The following SNX14 variants were observed in gnomAD, a reference collection of about 807,000 sequenced individuals.
SNX14 encodes the protein sorting nexin-14.
A neutral mutation model predicts 133.8 loss-of-function variants in SNX14; 93 were observed. That is an observed-to-expected ratio of 0.70 (90% CI 0.59 to 0.83). The LOEUF (loss-of-function observed/expected upper bound fraction) is 0.83. Among genes scored for constraint, SNX14 ranks in the 40% least tolerant of loss-of-function variants. The probability of loss-of-function intolerance (pLI) is 0.00; values close to 1 mark genes in which losing one functional copy is unlikely to be tolerated. For synonymous variants in SNX14, 368 were observed against 365.6 expected (o/e 1.01, Z -0.07); for missense variants, 945 against 1,094.9 (o/e 0.86, Z 1.93).
At position 85,505,751 on chromosome 6, in the gene SNX14, A is replaced by G; in HGVS notation, c.*216T>C. The G allele has an allele frequency of 1.9e-6, 1 of 520,396 alleles. No individual in the cohort carries two copies. Among genetic ancestry groups the G allele is most frequent in the East Asian group, 3.5e-5 (1 of 28,854 alleles). The allele number at this position is 520,396 out of a possible 1,614,324, so 32.2% of individuals were successfully genotyped here. A position where few individuals can be genotyped will look rare whatever the true frequency, so the allele number is the denominator to read the frequency against. ...GGCAATAACAAGTGACTTATGTTCT[A>G]ATAAAATTTGGATCACAGCTAGCAA... On this transcript the variant is annotated 3_prime_UTR_variant, in exon 29 of 29. Coordinates refer to ENST00000314673, the MANE Select transcript of SNX14 (RefSeq NM_153816.6).
rs1346312592 is a variant in SNX14 at position 85,514,132 on chromosome 6, T to C, written c.2495A>G (p.Gln832Arg). The change falls in exon 25 of 29, where the codon CAG (glutamine) becomes CGG (arginine). Residue 832 changes from glutamine to arginine, a missense_variant. Coordinates refer to ENST00000314673, the MANE Select transcript of SNX14 (RefSeq NM_153816.6). ...TLEMYTDYYL[Q>R]CKLEQLFQEH... ...CTGAAATAGCTGTTCTAGTTTACAC[T>C]GAAGATAGTAATCAGTATACATTTC... 2 of 1,613,914 alleles carry C rather than the reference T, an allele frequency of 1.2e-6. No homozygotes were observed. The highest frequency in any genetic ancestry group is 1.7e-6 in the Non-Finnish European group (2 of 1,179,956).
intron 1 of SNX14, among the ~76,000 whole-genome samples, chr6:85,590,804 A>C (rs1356629826): frequency 6.6e-6 from 1 of 152,214 alleles, no homozygotes; most frequent in African/African-American, 2.4e-5. Context: ...CTTTGCAAAA[A>C]GTACGAAGTT....
rs1785982122 is a variant in SNX14, at chr6:85,547,303, C to T, written c.993+14G>A. ...TGTTTATATCAAAAAGGTGTTATTGCTGAAAATTCTTACAGATGGCTTTTT... is the reference window on the plus strand; with the variant it reads ...TGTTTATATCAAAAAGGTGTTATTGTTGAAAATTCTTACAGATGGCTTTTT... On this transcript the variant is annotated intron_variant, in intron 11 of 28. Coordinates refer to ENST00000314673, the MANE Select transcript of SNX14 (RefSeq NM_153816.6). The T allele has an allele frequency of 6.2e-7, 1 of 1,612,522 alleles. No individual in the cohort carries two copies. The highest frequency in any genetic ancestry group is 1.1e-5 in the South Asian group (1 of 90,584).
At chr6:85,579,132 C>T (rs1395473845) in intron 1 of SNX14, among the ~76,000 whole-genome samples, 3 of 151,460 alleles carry the variant, frequency 2.0e-5, no homozygotes, top group African/African-American at 4.9e-5. Context: ...AATGGGACTC[C>T]GTCTAAAAAA....
chr6:85,588,134 A>C (rs1801565400), intron 1 of SNX14, among the ~76,000 whole-genome samples: 1 of 152,088 alleles, frequency 6.6e-6, no homozygotes, highest in Admixed American at 6.5e-5. Flanking sequence ...TACACAAAAA[A>C]ACTTAAAAAA....
chr6:85,516,376 C>T (rs1774996494), intron 23 of SNX14, among the ~76,000 whole-genome samples: 1 of 151,964 alleles, frequency 6.6e-6, no homozygotes, highest in South Asian at 2.1e-4. Context: ...ATTTTGTAAC[C>T]TTCATGACTC....
At chr6:85,575,515 C>A (rs1017164204) in intron 1 of SNX14, among the ~76,000 whole-genome samples, 2 of 152,134 alleles carry the variant, frequency 1.3e-5, no homozygotes, top group East Asian at 3.9e-4. Flanking sequence ...TCCCTGTCTC[C>A]CAATAATAAA....
At chr6:85,518,413 T>C (rs1775778624) in intron 21 of SNX14, among the ~76,000 whole-genome samples, 3 of 152,224 alleles carry the variant, frequency 2.0e-5, no homozygotes, top group Admixed American at 2.0e-4. Context: ...AGTGAATATA[T>C]AATGGTATCT....
At chr6:85,570,790 T>C (rs1583020030) in intron 4 of SNX14, among the ~76,000 whole-genome samples, 1 of 151,774 alleles carries the variant, frequency 6.6e-6, no homozygotes, top group Admixed American at 6.6e-5. Context: ...GAGGCGGAGG[T>C]TGCAGTGAGC....
intron 1 of SNX14, among the ~76,000 whole-genome samples, chr6:85,585,391 A>T (rs112083717): frequency 6.6e-6 from 1 of 152,178 alleles, no homozygotes. Flanking sequence ...TAATTAAAAA[A>T]AAACAAACAA....
chr6:85,588,723 A>C, intron 1 of SNX14: 1 of 294,592 alleles, frequency 3.4e-6, no homozygotes, highest in South Asian at 3.2e-5. Flanking sequence ...TTTACTGTTG[A>C]CCAAAAGCCT....
intron 7 of SNX14, among the ~76,000 whole-genome samples, chr6:85,552,787 T>C (rs1029941267): frequency 4.6e-5 from 7 of 152,194 alleles, no homozygotes; most frequent in African/African-American, 1.7e-4. Context: ...CGTTCTTTGT[T>C]CTAAATTTCT....
At chr6:85,572,108 C>T in intron 4 of SNX14, 29 bp downstream of exon 4, 1 of 1,558,296 alleles carries the variant, frequency 6.4e-7, no homozygotes, top group South Asian at 1.2e-5. Flanking sequence ...TTAACATTTT[C>T]TGTTAATAAT....
chr6:85,559,413 A>T lies in SNX14; in HGVS notation c.550-1353T>A, dbSNP rs575362335. Among the ~76,000 whole-genome samples, 26 of 152,334 alleles carry T rather than the reference A, an allele frequency of 1.7e-4. No individual in the cohort carries two copies. In the East Asian group the frequency reaches 3.5e-3, roughly 20 times the overall value. ...GATTTTTATTTGTAAGTTCCACTTT[A>T]GGGAATTCAGGTCAGAATTAAAATG... is the stretch of plus-strand genomic sequence containing the variant. On this transcript the variant is annotated intron_variant, in intron 6 of 28. Transcript: ENST00000314673.
At chr6:85,546,874 T>G (rs1417548038) in intron 12 of SNX14, among the ~76,000 whole-genome samples, 10 of 149,688 alleles carry the variant, frequency 6.7e-5, no homozygotes, top group Non-Finnish European at 7.4e-5. Context: ...GGCAGGAGAA[T>G]CGCTTGAACC....
rs909950569 is a variant in SNX14 at position 85,505,860 on chromosome 6, G to C, written c.*107C>G. 1.4e-6 allele frequency: 1 copy of C among 714,138 alleles called. No homozygotes were observed. The highest frequency in any genetic ancestry group is 1.8e-5 in the African/African-American group (1 of 54,432). 44.2% of individuals were successfully genotyped at this position (714,138 alleles called of 1,614,324 possible). On this transcript the variant is annotated 3_prime_UTR_variant, in exon 29 of 29. Transcript: ENST00000314673. Reference sequence around the variant, plus strand: ...AAAACAAAAAATAACTAAAATTTCAGACAGCGATGTACATAATATATATAA... The same window carrying C: ...AAAACAAAAAATAACTAAAATTTCACACAGCGATGTACATAATATATATAA...
chr6:85,565,437 A>G lies in SNX14; in HGVS notation c.462-18T>C. On this transcript the variant is annotated intron_variant, in intron 5 of 28. Coordinates refer to ENST00000314673, the MANE Select transcript of SNX14 (RefSeq NM_153816.6). ...TCACATCCCTTCAATAAGGAGAAAA[A>G]CAAATATTCAGAAGTTCAGAGAAAT... 6.5e-7 allele frequency: 1 copy of G among 1,549,750 alleles called. No individual in the cohort carries two copies. The highest frequency in any genetic ancestry group is 8.8e-7 in the Non-Finnish European group (1 of 1,137,984).
chr6:85,546,036 A>C (rs1785384941), intron 12 of SNX14, among the ~76,000 whole-genome samples: 1 of 152,182 alleles, frequency 6.6e-6, no homozygotes, highest in Admixed American at 6.5e-5. Flanking sequence ...CATTATCCTG[A>C]GTGAAGGAAG....
intron 7 of SNX14, among the ~76,000 whole-genome samples, chr6:85,551,569 C>A (rs1301997780): frequency 6.6e-6 from 1 of 152,168 alleles, no homozygotes; most frequent in African/African-American, 2.4e-5. Flanking sequence ...TGATTGAGAA[C>A]CTGGGAAGGA....
Sources: gnomAD v4.1 joint callset for allele counts (sites outside exome capture counted in the v4.1 genomes callset) on GRCh38, gnomAD v4.1.1 for gene constraint, MANE v1.5 for transcripts, NCBI Gene and HGNC (gene_info 2026-07-23, HGNC 2026-07-21) for gene names.